The following RANBP2 variants were observed in gnomAD, a reference collection of about 807,000 sequenced individuals.
RANBP2 encodes the protein E3 SUMO-protein ligase RanBP2.
RANBP2 carries 57 observed loss-of-function variants against 303.6 expected under a neutral mutation model. The observed-to-expected ratio is 0.19, with a 90% CI of 0.15 to 0.23. The LOEUF is 0.23. Among genes scored for constraint, RANBP2 ranks in the 10% least tolerant of loss-of-function variants. RANBP2 has a pLI of 1.00. For synonymous variants in RANBP2, 1,167 were observed against 1,301.5 expected, an observed-to-expected ratio of 0.90 and a Z score of 2.23; for missense variants, 3,138 against 3,780.8, an observed-to-expected ratio of 0.83 and a Z score of 4.46.
the RANBP2 span, chr2:109,618,348 C>T: frequency 6.0e-6 from 1 of 167,000 alleles, no homozygotes; most frequent in African/African-American, 2.4e-5. Context: ...AGGTTCTGGT[C>T]AACAGTCAGT....
chr2:109,532,717 A>G, the RANBP2 span, among the ~76,000 whole-genome samples: 1 of 152,130 alleles, frequency 6.6e-6, no homozygotes, highest in African/African-American at 2.4e-5. Flanking sequence ...AGGAGCTCTT[A>G]CCAAGACCTG....
the RANBP2 span, among the ~76,000 whole-genome samples, chr2:109,568,779 C>CTT: frequency 3.9e-5 from 6 of 152,242 alleles, 1 homozygote; most frequent in African/African-American, 1.4e-4. Context: ...CTTTGTGCCT[C>CTT]GTTTCAGGAC....
intron 4 of RANBP2, chr2:108,731,725 C>G: frequency 1.5e-6 from 1 of 662,120 alleles, no homozygotes. Context: ...AGTTTAGTAG[C>G]TGTAAACTAA....
At chr2:109,322,212 G>T in the RANBP2 span, among the ~76,000 whole-genome samples, 1 of 152,136 alleles carries the variant, frequency 6.6e-6, no homozygotes, top group Non-Finnish European at 1.5e-5. Context: ...GGAATCCCCC[G>T]AATAATCACC....
chr2:109,490,559 T>G, the RANBP2 span: 4 of 1,360,406 alleles, frequency 2.9e-6, no homozygotes, highest in Admixed American at 1.2e-4. Flanking sequence ...GCAAGGGCAT[T>G]GGGAAGCATT....
intron 6 of RANBP2, 103 bp from the exon 7 acceptor site, chr2:108,740,386 T>C: frequency 6.5e-7 from 1 of 1,538,784 alleles, no homozygotes; most frequent in East Asian, 2.2e-5. Flanking sequence ...ATGTGGAAGA[T>C]GAAGCTTGAA....
At chr2:109,562,497 A>G in the RANBP2 span, among the ~76,000 whole-genome samples, 1 of 151,898 alleles carries the variant, frequency 6.6e-6, no homozygotes, top group Non-Finnish European at 1.5e-5. Flanking sequence ...CATTTGGCTG[A>G]GCAGATAGCA....
the RANBP2 span, among the ~76,000 whole-genome samples, chr2:109,684,065 C>T: frequency 1.3e-5 from 2 of 150,996 alleles, no homozygotes; most frequent in Non-Finnish European, 2.9e-5. Context: ...CCTCAGCCTC[C>T]ACAGTAGCTG....
At chr2:109,490,832 C>T in the RANBP2 span, 16 of 1,536,820 alleles carry the variant, frequency 1.0e-5, no homozygotes, top group East Asian at 3.7e-4. Context: ...AGCCTCTGCA[C>T]AGGAAGGCAG....
At chr2:109,126,877 C>A in the RANBP2 span, among the ~76,000 whole-genome samples, 1 of 152,224 alleles carries the variant, frequency 6.6e-6, no homozygotes, top group South Asian at 2.1e-4. Context: ...TCTCTGTGAG[C>A]CCTTCCAGTG....
chr2:108,809,563 C>A, the RANBP2 span, among the ~76,000 whole-genome samples: 1 of 150,964 alleles, frequency 6.6e-6, no homozygotes, highest in African/African-American at 2.4e-5. Context: ...AAATTTATTC[C>A]CAGCTATTTT....
chr2:108,935,565 G>A, the RANBP2 span, among the ~76,000 whole-genome samples: 2 of 152,156 alleles, frequency 1.3e-5, no homozygotes, highest in African/African-American at 4.8e-5. Flanking sequence ...GGGAGCCCAG[G>A]AAGAAAGCCT....
intron 23 of RANBP2, 119 bp from the exon 24 acceptor site, chr2:108,775,613 G>A: frequency 1.0e-6 from 1 of 968,140 alleles, no homozygotes; most frequent in Non-Finnish European, 1.6e-6. Context: ...AGGGTGAAGT[G>A]TGTTTATTCT....
At chr2:109,566,009 T>G in the RANBP2 span, 1 of 696,350 alleles carries the variant, frequency 1.4e-6, no homozygotes, top group Non-Finnish European at 2.5e-6. Flanking sequence ...AACCTGCCAG[T>G]GAATATGTGC....
the RANBP2 span, among the ~76,000 whole-genome samples, chr2:109,223,273 C>T: frequency 1.3e-5 from 2 of 152,196 alleles, no homozygotes; most frequent in Non-Finnish European, 2.9e-5. Flanking sequence ...ATCCAGAGCC[C>T]TCAGAGGCTG....
intron 20 of RANBP2, among the ~76,000 whole-genome samples, 199 bp from the exon 21 acceptor site, chr2:108,771,502 G>A (rs1434484961): frequency 6.6e-6 from 1 of 151,812 alleles, no homozygotes; most frequent in African/African-American, 2.4e-5. Flanking sequence ...TGTTCACTTA[G>A]GGTTTTTGGT....
downstream of RANBP2, chr2:108,786,905 G>T (rs1453608351): frequency 3.2e-6 from 5 of 1,539,422 alleles, no homozygotes; most frequent in African/African-American, 5.7e-5. Flanking sequence ...GGGGGCAGCT[G>T]CCCCGACGAG....
the RANBP2 span, among the ~76,000 whole-genome samples, chr2:109,032,739 A>G: frequency 6.6e-6 from 1 of 152,214 alleles, no homozygotes; most frequent in African/African-American, 2.4e-5. Context: ...AGAGCATTTG[A>G]TTTAAAGCTA....
intron 20 of RANBP2, among the ~76,000 whole-genome samples, chr2:108,770,295 C>T (rs1558930464): frequency 6.6e-6 from 1 of 152,114 alleles, no homozygotes. Context: ...AGAAGTGGAA[C>T]AAGAATCTGT....
Sources: gnomAD v4.1 joint callset for allele counts (sites outside exome capture counted in the v4.1 genomes callset) on GRCh38, gnomAD v4.1.1 for gene constraint, MANE v1.5 for transcripts, NCBI Gene and HGNC (gene_info 2026-07-23, HGNC 2026-07-21) for gene names.